SHISA9: variants seen among roughly 807,000 people sequenced by gnomAD.
The protein encoded by SHISA9 is shisa family member 9.
SHISA9 carries 13 observed loss-of-function variants against 38.0 expected under a neutral mutation model. The ratio of observed to expected loss-of-function variants is 0.34; its 90% CI spans 0.22 to 0.54. The LOEUF (loss-of-function observed/expected upper bound fraction) is 0.54, where lower values mean the gene tolerates loss of function less well. SHISA9 is among the 20% of genes least tolerant of loss of function. The pLI, the probability that SHISA9 is intolerant of heterozygous loss-of-function variation, is 0.91. For missense variants in SHISA9, 538 were observed against 575.8 expected (o/e 0.93, Z 0.67); for synonymous variants, 275 against 242.0 (o/e 1.14, Z -1.27).
the SHISA9 span, among the ~76,000 whole-genome samples, chr16:13,542,327 G>T: frequency 1.3e-5 from 2 of 152,142 alleles, no homozygotes; most frequent in Admixed American, 1.3e-4. Context: ...TGATTGCCTA[G>T]GTGCAAGGGG....
intron 2 of SHISA9, among the ~76,000 whole-genome samples, chr16:12,980,771 G>T (rs902527344): frequency 6.6e-6 from 1 of 151,072 alleles, no homozygotes; most frequent in South Asian, 2.1e-4. Flanking sequence ...TCTTCCTCTG[G>T]AAGACTTCCT....
chr16:13,059,096 T>C (rs1392947113), intron 2 of SHISA9, among the ~76,000 whole-genome samples: 1 of 151,786 alleles, frequency 6.6e-6, no homozygotes, highest in Admixed American at 6.6e-5. Flanking sequence ...TTTGATATTA[T>C]TCTTTGCCTC....
the SHISA9 span, among the ~76,000 whole-genome samples, chr16:13,522,974 T>C: frequency 6.6e-6 from 1 of 152,150 alleles, no homozygotes; most frequent in Admixed American, 6.5e-5. Flanking sequence ...GGGAGGAATG[T>C]GGAGACCAGT....
At chr16:13,290,208 T>C in the SHISA9 span, among the ~76,000 whole-genome samples, 1 of 152,172 alleles carries the variant, frequency 6.6e-6, no homozygotes, top group South Asian at 2.1e-4. Context: ...GCAATAATGT[T>C]GAATTTTTGT....
intron 2 of SHISA9, among the ~76,000 whole-genome samples, chr16:13,145,059 C>T (rs1337257926): frequency 6.6e-6 from 1 of 152,192 alleles, no homozygotes; most frequent in Non-Finnish European, 1.5e-5. Context: ...CTATTGTTTT[C>T]TTAGTGCTGG....
chr16:13,542,418 A>T, the SHISA9 span, among the ~76,000 whole-genome samples: 1 of 152,154 alleles, frequency 6.6e-6, no homozygotes, highest in South Asian at 2.1e-4. Context: ...TGTGGGACAG[A>T]TAACATCGTG....
At chr16:13,303,115 A>G in the SHISA9 span, among the ~76,000 whole-genome samples, 2 of 152,202 alleles carry the variant, frequency 1.3e-5, no homozygotes, top group Non-Finnish European at 2.9e-5. Flanking sequence ...TTGCCCAAGA[A>G]GCCTAGATTT....
chr16:13,524,610 G>T, the SHISA9 span, among the ~76,000 whole-genome samples: 1 of 152,202 alleles, frequency 6.6e-6, no homozygotes, highest in Non-Finnish European at 1.5e-5. Context: ...CCAGACTGGA[G>T]TGTAGTGGTG....
chr16:13,291,939 C>A, the SHISA9 span, among the ~76,000 whole-genome samples: 1 of 152,012 alleles, frequency 6.6e-6, no homozygotes, highest in Non-Finnish European at 1.5e-5. Flanking sequence ...GTTTTTTTAC[C>A]TTTTGGTCAC....
chr16:13,341,609 G>A, the SHISA9 span, among the ~76,000 whole-genome samples: 1 of 152,176 alleles, frequency 6.6e-6, no homozygotes, highest in Admixed American at 6.5e-5. Context: ...AGGTCAGGAA[G>A]CATTATTCTA....
chr16:13,394,925 T>TGGGG, the SHISA9 span, among the ~76,000 whole-genome samples: 21 of 114,178 alleles, frequency 1.8e-4, no homozygotes, highest in African/African-American at 4.9e-4. Flanking sequence ...AAGCAGTATC[T>TGGGG]GGGGTGTGTG....
the SHISA9 span, among the ~76,000 whole-genome samples, chr16:13,467,758 C>T: frequency 6.6e-6 from 1 of 152,196 alleles, no homozygotes; most frequent in Non-Finnish European, 1.5e-5. Flanking sequence ...CATTTCCCTC[C>T]TTCGTCCACT....
At chr16:13,002,826 C>A (rs528869096) in intron 2 of SHISA9, among the ~76,000 whole-genome samples, 1 of 152,248 alleles carries the variant, frequency 6.6e-6, no homozygotes, top group African/African-American at 2.4e-5. Context: ...AGCCACTGTG[C>A]CCAGCCAGTT....
chr16:13,277,298 T>A, the SHISA9 span, among the ~76,000 whole-genome samples: 3 of 152,284 alleles, frequency 2.0e-5, no homozygotes, highest in East Asian at 5.8e-4. Flanking sequence ...ACCAGTACCA[T>A]GCTGTTTAGG....
the SHISA9 span, among the ~76,000 whole-genome samples, chr16:13,308,151 G>A: frequency 6.6e-6 from 1 of 151,562 alleles, no homozygotes; most frequent in Non-Finnish European, 1.5e-5. Context: ...TAATAGGACA[G>A]TAAGAAAAGA....
At chr16:13,134,207 G>A (rs1361923820) in intron 2 of SHISA9, among the ~76,000 whole-genome samples, 1 of 152,124 alleles carries the variant, frequency 6.6e-6, no homozygotes, top group Non-Finnish European at 1.5e-5. Context: ...ACCTGTCTGG[G>A]TCTCAGTTTT....
the SHISA9 span, among the ~76,000 whole-genome samples, chr16:13,476,389 C>G: frequency 2.0e-5 from 3 of 152,304 alleles, no homozygotes; most frequent in Non-Finnish European, 4.4e-5. Flanking sequence ...AGACTAAGCT[C>G]CCATCTCCTC....
At chr16:13,250,442 G>A in the SHISA9 span, among the ~76,000 whole-genome samples, 4 of 152,134 alleles carry the variant, frequency 2.6e-5, no homozygotes. Context: ...AGAGCATTAG[G>A]ATAGGAGCCA....
At chr16:13,109,956 T>C (rs2073961925) in intron 2 of SHISA9, among the ~76,000 whole-genome samples, 1 of 152,222 alleles carries the variant, frequency 6.6e-6, no homozygotes, top group Admixed American at 6.5e-5. Flanking sequence ...AATGCTGCTA[T>C]GAATACTCAC....
Sources: gnomAD v4.1 joint callset for allele counts (sites outside exome capture counted in the v4.1 genomes callset) on GRCh38, gnomAD v4.1.1 for gene constraint, MANE v1.5 for transcripts, NCBI Gene and HGNC (gene_info 2026-07-23, HGNC 2026-07-21) for gene names.